Variants in MACROD2 observed in about 807,000 individuals in gnomAD.
MACROD2 encodes the protein ADP-ribose glycohydrolase MACROD2.
Under a neutral mutation model 70.4 loss-of-function variants are expected in MACROD2, and 36 were observed. The observed-to-expected ratio is 0.51, with a 90% CI of 0.39 to 0.68. MACROD2 has a LOEUF of 0.68. MACROD2 is among the 30% of genes least tolerant of loss of function. The probability of loss-of-function intolerance (pLI) is 0.00; values close to 1 mark genes in which losing one functional copy is unlikely to be tolerated. For synonymous variants in MACROD2, 172 were observed against 178.8 expected, an observed-to-expected ratio of 0.96 and a Z score of 0.30; for missense variants, 496 against 538.4, an observed-to-expected ratio of 0.92 and a Z score of 0.78.
intron 5 of MACROD2, among the ~76,000 whole-genome samples, chr20:15,136,292 T>C (rs7352012): frequency 0.58 from 78,973 of 135,930 alleles, 22,457 homozygotes; most frequent in African/African-American, 0.67. Context: ...GGAGGCATCA[T>C]GCTACCTGAC....
chr20:14,952,674 A>C (rs565407915), intron 5 of MACROD2, among the ~76,000 whole-genome samples: 8 of 152,206 alleles, frequency 5.3e-5, no homozygotes, highest in Non-Finnish European at 1.2e-4. Flanking sequence ...TGATATTTCT[A>C]TCATCATATA....
At chr20:15,882,748 T>C (rs2064772027) in intron 9 of MACROD2, among the ~76,000 whole-genome samples, 1 of 152,074 alleles carries the variant, frequency 6.6e-6, no homozygotes, top group South Asian at 2.1e-4. Flanking sequence ...GACAGACTCT[T>C]AACCACTGTA....
At chr20:15,665,393 T>A (rs1218086508) in intron 8 of MACROD2, among the ~76,000 whole-genome samples, 1 of 152,162 alleles carries the variant, frequency 6.6e-6, no homozygotes, top group African/African-American at 2.4e-5. Flanking sequence ...TAAGAGGATA[T>A]AACTCACCCC....
At chr20:15,058,421 A>G (rs949992566) in intron 5 of MACROD2, among the ~76,000 whole-genome samples, 1 of 152,284 alleles carries the variant, frequency 6.6e-6, no homozygotes, top group East Asian at 1.9e-4. Flanking sequence ...AGGACTCTCA[A>G]TCAAACTTCA....
chr20:15,184,011 G>A (rs2076518184), intron 5 of MACROD2, among the ~76,000 whole-genome samples: 1 of 152,172 alleles, frequency 6.6e-6, no homozygotes, highest in Admixed American at 6.6e-5. Context: ...TAAAGTTAAA[G>A]AACCCAGGCC....
intron 4 of MACROD2, among the ~76,000 whole-genome samples, chr20:14,497,950 G>A (rs1338886586): frequency 6.6e-6 from 1 of 151,640 alleles, no homozygotes; most frequent in Non-Finnish European, 1.5e-5. Flanking sequence ...AGGACACTGT[G>A]AGCCTTCCCA....
chr20:15,463,013 G>A (rs142665861), intron 7 of MACROD2, among the ~76,000 whole-genome samples: 88 of 152,300 alleles, frequency 5.8e-4, no homozygotes, highest in African/African-American at 2.0e-3. Context: ...TACAACTAAT[G>A]TATACATTTG....
rs929046374 is a variant in MACROD2 at position 15,138,650 on chromosome 20, G to A, written c.419-91290G>A. On this transcript the variant is annotated intron_variant, in intron 5 of 17. Transcript: ENST00000684519. ...TTTGCACTTGTAGTGCATACTGGGG[G>A]TGCTCTGCCAGCTTGGCATTGAATG... Among the ~76,000 whole-genome samples the A allele has an allele frequency of 3.3e-5, 5 of 152,138 alleles. 1 individual carries two copies. Among genetic ancestry groups the A allele is most frequent in the Non-Finnish European group, 7.4e-5 (5 of 68,022 alleles).
intron 5 of MACROD2, among the ~76,000 whole-genome samples, chr20:14,964,886 G>A (rs530477890): frequency 6.6e-6 from 1 of 152,288 alleles, no homozygotes; most frequent in African/African-American, 2.4e-5. Flanking sequence ...GGTGAAGCAG[G>A]TATAGGCGGA....
At chr20:15,506,626 T>C (rs1429895303) in intron 8 of MACROD2, among the ~76,000 whole-genome samples, 1 of 152,250 alleles carries the variant, frequency 6.6e-6, no homozygotes, top group Non-Finnish European at 1.5e-5. Context: ...GTCTCTGACA[T>C]GAAACGCCTT....
At chr20:14,763,427 A>G (rs900736816) in intron 5 of MACROD2, among the ~76,000 whole-genome samples, 1 of 152,098 alleles carries the variant, frequency 6.6e-6, no homozygotes, top group Non-Finnish European at 1.5e-5. Context: ...GAATGATGTG[A>G]TTTTCTTTTT....
intron 3 of MACROD2, among the ~76,000 whole-genome samples, chr20:14,218,081 G>A (rs2081638965): frequency 6.6e-6 from 1 of 152,036 alleles, no homozygotes; most frequent in Admixed American, 6.6e-5. Flanking sequence ...TTGACTTTCT[G>A]TCTTGATGAC....
At chr20:14,705,048 A>T (rs2071253141) in intron 5 of MACROD2, among the ~76,000 whole-genome samples, 1 of 152,056 alleles carries the variant, frequency 6.6e-6, no homozygotes, top group African/African-American at 2.4e-5. Flanking sequence ...AGTGAAGCAA[A>T]TTAACAGATT....
At chr20:15,103,790 T>C (rs2075890613) in intron 5 of MACROD2, among the ~76,000 whole-genome samples, 1 of 152,012 alleles carries the variant, frequency 6.6e-6, no homozygotes, top group African/African-American at 2.4e-5. Flanking sequence ...CAGACGACAT[T>C]TGAGCTGAGA....
intron 5 of MACROD2, among the ~76,000 whole-genome samples, chr20:15,066,090 A>G (rs577115587): frequency 4.2e-4 from 64 of 151,220 alleles, no homozygotes; most frequent in African/African-American, 1.5e-3. Flanking sequence ...CAGAGGGGAA[A>G]GTGAAAACAA....
chr20:15,920,726 C>A (rs2065391155), intron 10 of MACROD2, among the ~76,000 whole-genome samples: 1 of 152,146 alleles, frequency 6.6e-6, no homozygotes, highest in Non-Finnish European at 1.5e-5. Flanking sequence ...AGGCTCAAAT[C>A]GTAATTCTGC....
intron 3 of MACROD2, among the ~76,000 whole-genome samples, chr20:14,306,027 A>T (rs1329779760): frequency 1.3e-5 from 2 of 151,538 alleles, no homozygotes; most frequent in Admixed American, 1.3e-4. Flanking sequence ...CTCCCTGCTA[A>T]ATCCTCTCAT....
chr20:15,245,712 G>T (rs776402304), intron 6 of MACROD2, among the ~76,000 whole-genome samples: 2 of 152,206 alleles, frequency 1.3e-5, no homozygotes, highest in African/African-American at 4.8e-5. Flanking sequence ...TAGACTTTGT[G>T]TTGAATGATT....
At chr20:14,127,883 T>C (rs1468201109) in intron 3 of MACROD2, 7 of 495,124 alleles carry the variant, frequency 1.4e-5, no homozygotes, top group Non-Finnish European at 2.8e-5. Flanking sequence ...CCCAACTAGA[T>C]CTTTGAATTG....
Sources: gnomAD v4.1 joint callset for allele counts (sites outside exome capture counted in the v4.1 genomes callset) on GRCh38, gnomAD v4.1.1 for gene constraint, MANE v1.5 for transcripts, NCBI Gene and HGNC (gene_info 2026-07-23, HGNC 2026-07-21) for gene names.